Variants in PIEZO2 observed in about 807,000 individuals in gnomAD.
The protein encoded by PIEZO2 is piezo-type mechanosensitive ion channel component 2.
A neutral mutation model predicts 337.3 loss-of-function variants in PIEZO2; 172 were observed. That is an observed-to-expected ratio of 0.51 (90% confidence interval 0.45 to 0.58). The LOEUF (loss-of-function observed/expected upper bound fraction) is 0.58. PIEZO2 is among the 20% of genes least tolerant of loss of function. PIEZO2 has a pLI of 0.00. For synonymous variants in PIEZO2, 1,251 were observed against 1,228.5 expected (o/e 1.02, Z -0.38); for missense variants, 3,028 against 3,391.3 (o/e 0.89, Z 2.66).
At position 10,705,693 on chromosome 18, in the gene PIEZO2, ATGGTCTCAG is replaced by A. The variant is rs1440071419; in HGVS notation, c.5633_5641del (p.Thr1878_Thr1880del). On this transcript the variant is annotated inframe_deletion, in exon 41 of 56. Coordinates refer to ENST00000674853, the MANE Select transcript of PIEZO2 (RefSeq NM_001378183.1). ...CTCCTGCTCAGCCTCCACCTCCTCGATGGTCTCAGTGGTCCCCTGGCGTGAGTACAGCAT... is the reference window on the plus strand; with the variant it reads ...CTCCTGCTCAGCCTCCACCTCCTCGATGGTCCCCTGGCGTGAGTACAGCAT... 26 of 1,536,104 alleles carry A rather than the reference ATGGTCTCAG, an allele frequency of 1.7e-5. No individual in the cohort carries two copies. Among genetic ancestry groups the A allele is most frequent in the Non-Finnish European group, 2.2e-5 (25 of 1,146,678 alleles).
At chr18:11,061,208 C>G (rs541108944) in intron 2 of PIEZO2, among the ~76,000 whole-genome samples, 1 of 152,058 alleles carries the variant, frequency 6.6e-6, no homozygotes, top group African/African-American at 2.4e-5. Context: ...TTCAACAACC[C>G]TTCATGCTAA....
intron 2 of PIEZO2, among the ~76,000 whole-genome samples, chr18:10,994,211 G>C (rs935413552): frequency 1.3e-5 from 2 of 152,254 alleles, no homozygotes; most frequent in Admixed American, 1.3e-4. Context: ...CTGGGTAGTA[G>C]TCCATCACAT....
At position 10,707,612 on chromosome 18, in the gene PIEZO2, A is replaced by G. The variant is rs1242646245; in HGVS notation, c.5588+663T>C. Among the ~76,000 whole-genome samples, 4 of 152,224 alleles carry G rather than the reference A, an allele frequency of 2.6e-5. No individual in the cohort carries two copies. Among genetic ancestry groups the G allele is most frequent in the Non-Finnish European group, 5.9e-5 (4 of 68,042 alleles). On this transcript the variant is annotated intron_variant, in intron 40 of 55. Coordinates refer to ENST00000674853, the MANE Select transcript of PIEZO2 (RefSeq NM_001378183.1). The surrounding 1 kb of genome is among the most constrained non-coding windows in gnomAD (Gnocchi z 4.2). ...AATTCAAAAAGAGTTTTCGGGTTGTATGCAAATAATTTTATTTCTAAATGA... is the reference window on the plus strand; with the variant it reads ...AATTCAAAAAGAGTTTTCGGGTTGTGTGCAAATAATTTTATTTCTAAATGA...
intron 3 of PIEZO2, among the ~76,000 whole-genome samples, chr18:10,936,036 T>C (rs2032372934): frequency 6.6e-6 from 1 of 152,200 alleles, no homozygotes; most frequent in Admixed American, 6.5e-5. Flanking sequence ...TTGGTATCTT[T>C]GGAGATGTCT....
At chr18:10,729,974 A>G (rs571982606) in intron 36 of PIEZO2, among the ~76,000 whole-genome samples, 3 of 152,360 alleles carry the variant, frequency 2.0e-5, no homozygotes, top group Non-Finnish European at 4.4e-5. Context: ...TATTAGTAAC[A>G]TAATGTATTT....
At chr18:10,913,577 A>AT (rs2030670516) in intron 3 of PIEZO2, among the ~76,000 whole-genome samples, 1 of 152,078 alleles carries the variant, frequency 6.6e-6, no homozygotes, top group African/African-American at 2.4e-5. Context: ...GGTTCCATTT[A>AT]TTATTCAGGT....
At position 10,759,688 on chromosome 18, in the gene PIEZO2, G is replaced by A. The variant is rs1215397720; in HGVS notation, c.3655+17C>T. 1 of 1,537,140 alleles carries A rather than the reference G, an allele frequency of 6.5e-7. No individual in the cohort carries two copies. Among genetic ancestry groups the A allele is most frequent in the East Asian group, 2.4e-5 (1 of 40,918 alleles). Reference sequence around the variant, plus strand: ...CTTCTTCTAAAAGTAGACGGCTCAAGGGAAGGGCAGGCTCACCTCGGCAAG... The same window carrying A: ...CTTCTTCTAAAAGTAGACGGCTCAAAGGAAGGGCAGGCTCACCTCGGCAAG... On this transcript the variant is annotated intron_variant, in intron 25 of 55. Transcript: ENST00000674853. This position sits in a 1 kb window ranked among gnomAD's most constrained non-coding sequence, Gnocchi z 5.5.
intron 8 of PIEZO2, among the ~76,000 whole-genome samples, chr18:10,806,481 A>G: frequency 6.6e-6 from 1 of 152,154 alleles, no homozygotes; most frequent in Non-Finnish European, 1.5e-5. Flanking sequence ...CATAGGGAAT[A>G]AACACCCTCA....
intron 5 of PIEZO2, among the ~76,000 whole-genome samples, chr18:10,867,432 A>T (rs1480350769): frequency 6.6e-6 from 1 of 152,198 alleles, no homozygotes; most frequent in Non-Finnish European, 1.5e-5. Context: ...CAGGGTGCAA[A>T]ATCTTTGAGG....
intron 3 of PIEZO2, among the ~76,000 whole-genome samples, chr18:10,922,574 G>C (rs1175990338): frequency 6.6e-6 from 1 of 152,054 alleles, no homozygotes; most frequent in Non-Finnish European, 1.5e-5. Flanking sequence ...AGCTGAGCGA[G>C]GAGAAGACCC....
Position 10,807,121 on chromosome 18 carries a change from TTGCAGCCAGA to T in PIEZO2, c.1061_1070del (p.Ile354LysfsTer24). On this transcript the variant is annotated frameshift_variant, in exon 8 of 56. Coordinates refer to ENST00000674853, the MANE Select transcript of PIEZO2 (RefSeq NM_001378183.1). LOFTEE classifies it high-confidence loss of function. ...ATGTTTTTGTCCTTACAAGGGGCTC[TTGCAGCCAGA>T]TGCGGATCAGAGTGGCCAGAGTGTA... is the stretch of plus-strand genomic sequence containing the variant. 6.5e-7 allele frequency: 1 copy of T among 1,535,460 alleles called. No homozygotes were observed. Among genetic ancestry groups the T allele is most frequent in the Non-Finnish European group, 8.7e-7 (1 of 1,146,090 alleles).
rs564373635 is a variant in PIEZO2 at position 10,768,512 on chromosome 18, G to C, written c.2946+1636C>G. On this transcript the variant is annotated intron_variant, in intron 21 of 55. Coordinates refer to ENST00000674853, the MANE Select transcript of PIEZO2 (RefSeq NM_001378183.1). Reference sequence around the variant, plus strand: ...GGTGGGGTGACATCACGCACAACACGAGTGGCTGAAACAATTTTACAGCAA... The same window carrying C: ...GGTGGGGTGACATCACGCACAACACCAGTGGCTGAAACAATTTTACAGCAA... 3.5e-4 allele frequency among the ~76,000 whole-genome samples: 53 copies of C among 152,280 alleles called. 3 individuals carry two copies. In the South Asian group the frequency reaches 5.6e-3, roughly 16 times the overall value.
intron 1 of PIEZO2, among the ~76,000 whole-genome samples, chr18:11,117,562 G>A (rs1319981799): frequency 2.6e-5 from 4 of 152,318 alleles, no homozygotes; most frequent in Middle Eastern, 3.4e-3. Flanking sequence ...CACCAAGTTC[G>A]TTTAGAATGT....
At chr18:10,801,460 T>C (rs1359675602) in intron 9 of PIEZO2, 32 bp from the exon 10 acceptor site, 3 of 1,479,204 alleles carry the variant, frequency 2.0e-6, no homozygotes, top group Admixed American at 2.0e-5. Flanking sequence ...AGCATGTTAG[T>C]AAGGAAGCTG....
intron 5 of PIEZO2, among the ~76,000 whole-genome samples, chr18:10,857,881 T>C (rs572365208): frequency 7.9e-5 from 12 of 152,228 alleles, no homozygotes; most frequent in Non-Finnish European, 1.6e-4. Context: ...TATTTTAAAC[T>C]GGGTATGCTA....
chr18:10,763,607 A>G (rs560432512), intron 21 of PIEZO2, among the ~76,000 whole-genome samples: 37 of 152,222 alleles, frequency 2.4e-4, no homozygotes, highest in Non-Finnish European at 4.6e-4. Flanking sequence ...GTGAGGCTGG[A>G]GATGCAGCTA....
intron 52 of PIEZO2, among the ~76,000 whole-genome samples, chr18:10,679,569 T>C (rs1472867839): frequency 6.6e-6 from 1 of 152,234 alleles, no homozygotes; most frequent in Non-Finnish European, 1.5e-5. Flanking sequence ...TCAAATCACT[T>C]GATGCTCTGC....
intron 52 of PIEZO2, 49 bp downstream of exon 52, chr18:10,680,150 G>A: frequency 2.0e-6 from 3 of 1,507,524 alleles, no homozygotes; most frequent in Non-Finnish European, 2.7e-6. Context: ...CCAACTCCAT[G>A]TTTAGACTGG....
At chr18:10,991,248 T>C (rs2035087510) in intron 2 of PIEZO2, among the ~76,000 whole-genome samples, 2 of 151,714 alleles carry the variant, frequency 1.3e-5, no homozygotes, top group Middle Eastern at 6.8e-3. Flanking sequence ...TTTTTTCTTA[T>C]ACTTTAAGTT....
Sources: gnomAD v4.1 joint callset for allele counts (sites outside exome capture counted in the v4.1 genomes callset) on GRCh38, gnomAD v4.1.1 for gene constraint, Gnocchi (gnomAD v3.1) non-coding constraint, MANE v1.5 for transcripts, NCBI Gene and HGNC (gene_info 2026-07-23, HGNC 2026-07-21) for gene names.